Variants in MACROD2 observed in about 807,000 individuals in gnomAD.
MACROD2 encodes mono-ADP ribosylhydrolase 2.
MACROD2 carries 36 observed loss-of-function variants against 70.4 expected under a neutral mutation model. The ratio of observed to expected loss-of-function variants is 0.51; its 90% CI spans 0.39 to 0.68. MACROD2 has a LOEUF of 0.68. Among genes scored for constraint, MACROD2 ranks in the 30% least tolerant of loss-of-function variants. The probability of loss-of-function intolerance (pLI) is 0.00; values close to 1 mark genes in which losing one functional copy is unlikely to be tolerated. For missense variants in MACROD2, 496 were observed against 538.4 expected, an observed-to-expected ratio of 0.92 and a Z score of 0.78; for synonymous variants, 172 against 178.8, an observed-to-expected ratio of 0.96 and a Z score of 0.30.
intron 5 of MACROD2, among the ~76,000 whole-genome samples, chr20:14,971,937 C>T (rs560327913): frequency 7.9e-5 from 12 of 152,284 alleles, no homozygotes; most frequent in Non-Finnish European, 1.5e-4. Context: ...GGCATTCACC[C>T]GGGCAAGCTT....
chr20:15,199,856 A>G (rs1200142198), intron 5 of MACROD2, among the ~76,000 whole-genome samples: 1 of 152,186 alleles, frequency 6.6e-6, no homozygotes, highest in Non-Finnish European at 1.5e-5. Context: ...TCCTCTAAGC[A>G]TTTGGTCATT....
At chr20:14,622,397 C>T (rs1983883716) in intron 4 of MACROD2, among the ~76,000 whole-genome samples, 1 of 152,078 alleles carries the variant, frequency 6.6e-6, no homozygotes, top group Non-Finnish European at 1.5e-5. Flanking sequence ...TATATGTGTA[C>T]AGCATTACCT....
intron 6 of MACROD2, among the ~76,000 whole-genome samples, chr20:15,243,181 C>T (rs2077075014): frequency 6.6e-6 from 1 of 152,106 alleles, no homozygotes; most frequent in Non-Finnish European, 1.5e-5. Flanking sequence ...TGTCTTCTGG[C>T]AACATCCCTT....
rs769379272 is a variant in MACROD2 at position 15,499,809 on chromosome 20, A to G, written c.607A>G (p.Asn203Asp). 1 of 1,613,712 alleles carries G rather than the reference A, an allele frequency of 6.2e-7. No homozygotes were observed. Among genetic ancestry groups the G allele is most frequent in the Non-Finnish European group, 8.5e-7 (1 of 1,179,794 alleles). The stretch of plus-strand genomic sequence containing the variant: ...CGAGCCTGCTGCAGTCATTGCCCTC[A>G]ACACCATTAAGGAATGGCTTGCCAA... ...PNEPAAVIAL[N>D]TIKEWLAKNH... Residue 203 changes from asparagine (N) to aspartate (D), a missense_variant, in exon 8 of 18, where the codon AAC (asparagine) becomes GAC (aspartate). Transcript: ENST00000684519.
intron 4 of MACROD2, among the ~76,000 whole-genome samples, chr20:14,519,003 C>G (rs998337379): frequency 1.3e-5 from 2 of 151,994 alleles, no homozygotes; most frequent in African/African-American, 4.8e-5. Context: ...AGTTATTCAG[C>G]CCCTAGAAAT....
intron 6 of MACROD2, among the ~76,000 whole-genome samples, chr20:15,381,083 A>G (rs1396941292): frequency 6.6e-6 from 1 of 152,092 alleles, no homozygotes; most frequent in African/African-American, 2.4e-5. Context: ...CTTCTATAAG[A>G]ATTAATTAAC....
chr20:14,316,933 C>G (rs6105246), intron 3 of MACROD2, among the ~76,000 whole-genome samples: 41,875 of 151,926 alleles, frequency 0.28, 6,034 homozygotes, highest in African/African-American at 0.34. Context: ...CTCTCCACCC[C>G]CTATCTTCCC....
At chr20:14,543,443 T>G (rs1215842294) in intron 4 of MACROD2, among the ~76,000 whole-genome samples, 2 of 152,212 alleles carry the variant, frequency 1.3e-5, no homozygotes, top group Non-Finnish European at 2.9e-5. Flanking sequence ...TTTTAACTGG[T>G]TATTGTTTTA....
At chr20:15,795,439 G>A (rs1056046267) in intron 8 of MACROD2, among the ~76,000 whole-genome samples, 1 of 151,968 alleles carries the variant, frequency 6.6e-6, no homozygotes, top group Non-Finnish European at 1.5e-5. Flanking sequence ...TTGAGAATGC[G>A]TCACACTCAG....
chr20:14,128,207 T>A, intron 3 of MACROD2: 1 of 377,282 alleles, frequency 2.7e-6, no homozygotes, highest in South Asian at 2.5e-5. Context: ...CCTAAGAAGA[T>A]TTGGGAGCAG....
At chr20:15,878,724 A>G (rs2064710848) in intron 9 of MACROD2, among the ~76,000 whole-genome samples, 1 of 152,152 alleles carries the variant, frequency 6.6e-6, no homozygotes. Context: ...AAGTATAATA[A>G]TTAAAACAAA....
chr20:14,805,052 G>T (rs758253563), intron 5 of MACROD2, among the ~76,000 whole-genome samples: 2 of 151,944 alleles, frequency 1.3e-5, no homozygotes, highest in South Asian at 4.1e-4. Flanking sequence ...CAGTGGGTCC[G>T]TGGATCCTCT....
At chr20:15,525,909 T>C (rs903539835) in intron 8 of MACROD2, among the ~76,000 whole-genome samples, 5 of 152,214 alleles carry the variant, frequency 3.3e-5, no homozygotes, top group African/African-American at 9.6e-5. Context: ...CTGGCTGCCA[T>C]GGCTGAGCAT....
intron 8 of MACROD2, among the ~76,000 whole-genome samples, chr20:15,652,597 A>T (rs926948110): frequency 1.3e-5 from 2 of 152,200 alleles, no homozygotes; most frequent in Non-Finnish European, 2.9e-5. Context: ...ACATTTGGGC[A>T]TCTGCAAAAT....
At chr20:15,995,914 A>G (rs1178300644) in intron 15 of MACROD2, among the ~76,000 whole-genome samples, 4 of 151,478 alleles carry the variant, frequency 2.6e-5, no homozygotes, top group South Asian at 2.1e-4. Flanking sequence ...TTATGCATCT[A>G]TGGGCACTTA....
chr20:14,635,861 A>G (rs1247569737), intron 4 of MACROD2, among the ~76,000 whole-genome samples: 1 of 152,198 alleles, frequency 6.6e-6, no homozygotes, highest in Non-Finnish European at 1.5e-5. Flanking sequence ...ATACTGGGAT[A>G]AAAATGTGAG....
At chr20:15,798,560 C>T (rs1165477975) in intron 8 of MACROD2, among the ~76,000 whole-genome samples, 2 of 152,164 alleles carry the variant, frequency 1.3e-5, no homozygotes, top group Admixed American at 6.5e-5. Flanking sequence ...AGTCACAAGC[C>T]TGCTCAAATT....
At chr20:14,375,017 A>AG (rs2083358960) in intron 3 of MACROD2, among the ~76,000 whole-genome samples, 1 of 152,160 alleles carries the variant, frequency 6.6e-6, no homozygotes, top group African/African-American at 2.4e-5. Context: ...TTTATAGCCT[A>AG]GGACTCTTTA....
At chr20:15,192,363 G>A (rs1310400614) in intron 5 of MACROD2, among the ~76,000 whole-genome samples, 1 of 152,172 alleles carries the variant, frequency 6.6e-6, no homozygotes, top group African/African-American at 2.4e-5. Flanking sequence ...ACAAGAACAA[G>A]TACAACGGAA....
Sources: gnomAD v4.1 joint callset for allele counts (sites outside exome capture counted in the v4.1 genomes callset) on GRCh38, gnomAD v4.1.1 for gene constraint, MANE v1.5 for transcripts, NCBI Gene and HGNC (gene_info 2026-07-23, HGNC 2026-07-21) for gene names.